The following GALNT13 variants were observed in gnomAD, a reference collection of about 807,000 sequenced individuals.
GALNT13 encodes polypeptide N-acetylgalactosaminyltransferase 13.
Under a neutral mutation model 64.2 loss-of-function variants are expected in GALNT13, and 28 were observed. The observed-to-expected ratio is 0.44, with a 90% CI of 0.32 to 0.60. The LOEUF is 0.60. Ranked by LOEUF, GALNT13 falls within the 20% of genes least tolerant of loss-of-function variation. The pLI is 0.05. For missense variants in GALNT13, 577 were observed against 669.8 expected, an observed-to-expected ratio of 0.86 and a Z score of 1.53; for synonymous variants, 214 against 224.6, an observed-to-expected ratio of 0.95 and a Z score of 0.42.
chr2:153,434,495 T>C, the GALNT13 span, among the ~76,000 whole-genome samples: 1 of 152,200 alleles, frequency 6.6e-6, no homozygotes, highest in African/African-American at 2.4e-5. Context: ...GCACCTGTTG[T>C]TTCCTGACTT....
chr2:153,078,910 A>C, the GALNT13 span, among the ~76,000 whole-genome samples: 1 of 152,200 alleles, frequency 6.6e-6, no homozygotes, highest in Admixed American at 6.5e-5. Context: ...CTTAGAATAA[A>C]CTTACTTAGT....
chr2:153,848,550 G>A, the GALNT13 span, among the ~76,000 whole-genome samples: 1 of 152,044 alleles, frequency 6.6e-6, no homozygotes, highest in African/African-American at 2.4e-5. Flanking sequence ...ATCAAAAGTT[G>A]CTTCTTTGAA....
rs763530256 is a variant in GALNT13 at position 154,259,023 on chromosome 2, C to A, written c.860C>A (p.Thr287Asn). Residue 287 changes from threonine to asparagine, a missense_variant and splice_region_variant, in exon 8 of 13, where the codon ACC (threonine) becomes AAC (asparagine). By Grantham distance (65) the Thr-to-Asn change is moderately conservative (BLOSUM62 0). Coordinates refer to ENST00000392825, the MANE Select transcript of GALNT13 (RefSeq NM_052917.4). Reference sequence around the variant, plus strand: ...TCTTTTTGTTTTTTTTCAACTAGGACCCCTACTATGGCTGGTGGCCTATTT... The same window carrying A: ...TCTTTTTGTTTTTTTTCAACTAGGAACCCTACTATGGCTGGTGGCCTATTT... ...RKGDRTLPVR[T>N]PTMAGGLFSI... The A allele has an allele frequency of 1.3e-6, 2 of 1,537,718 alleles. No individual in the cohort carries two copies. The highest frequency in any genetic ancestry group is 1.8e-6 in the Non-Finnish European group (2 of 1,112,728).
the GALNT13 span, among the ~76,000 whole-genome samples, chr2:153,374,786 G>A: frequency 6.6e-6 from 1 of 152,082 alleles, no homozygotes; most frequent in African/African-American, 2.4e-5. Flanking sequence ...TATTTTTGCA[G>A]GATCAGGTTC....
the GALNT13 span, among the ~76,000 whole-genome samples, chr2:153,153,736 C>T: frequency 3.6e-3 from 516 of 144,066 alleles, 2 homozygotes; most frequent in African/African-American, 0.013. Flanking sequence ...TCTGGTTTCT[C>T]CATTCTGTTC....
chr2:153,549,020 T>C, the GALNT13 span, among the ~76,000 whole-genome samples: 2 of 152,170 alleles, frequency 1.3e-5, no homozygotes, highest in African/African-American at 2.4e-5. Flanking sequence ...AGAGGCTACA[T>C]AGTATACGAC....
the GALNT13 span, among the ~76,000 whole-genome samples, chr2:153,535,682 C>T: frequency 1.3e-5 from 2 of 152,164 alleles, no homozygotes; most frequent in African/African-American, 2.4e-5. Flanking sequence ...AAGTATTGTC[C>T]AGTCCTTTTT....
the GALNT13 span, among the ~76,000 whole-genome samples, chr2:153,406,382 T>G: frequency 1.3e-5 from 2 of 152,176 alleles, no homozygotes; most frequent in African/African-American, 2.4e-5. Context: ...TAAGAGAGAT[T>G]TTACAATTTG....
chr2:153,367,813 C>T, the GALNT13 span, among the ~76,000 whole-genome samples: 17 of 150,998 alleles, frequency 1.1e-4, no homozygotes, highest in African/African-American at 4.1e-4. Context: ...TTTTTGAATA[C>T]CTAAATAAAA....
the GALNT13 span, among the ~76,000 whole-genome samples, chr2:153,643,966 G>C: frequency 6.6e-6 from 1 of 151,878 alleles, no homozygotes; most frequent in African/African-American, 2.4e-5. Flanking sequence ...CATCTTAGCT[G>C]TTCTCTTTAA....
chr2:154,115,505 C>A (rs1184517132), intron 3 of GALNT13, among the ~76,000 whole-genome samples: 1 of 152,090 alleles, frequency 6.6e-6, no homozygotes, highest in African/African-American at 2.4e-5. Context: ...ACTGCAACTT[C>A]TGCCTCCCAG....
At chr2:153,855,449 A>G in the GALNT13 span, among the ~76,000 whole-genome samples, 1 of 152,210 alleles carries the variant, frequency 6.6e-6, no homozygotes, top group South Asian at 2.1e-4. Flanking sequence ...CATTTCTCCA[A>G]AGAAGATTGC....
At chr2:154,403,229 G>T (rs1422270057) in intron 10 of GALNT13, among the ~76,000 whole-genome samples, 1 of 152,108 alleles carries the variant, frequency 6.6e-6, no homozygotes, top group African/African-American at 2.4e-5. Flanking sequence ...GAGGCAGGCG[G>T]ATCACTTGAG....
intron 1 of GALNT13, among the ~76,000 whole-genome samples, chr2:153,881,225 G>A (rs1049380917): frequency 6.6e-6 from 1 of 152,108 alleles, no homozygotes; most frequent in Non-Finnish European, 1.5e-5. Context: ...TTGCCACACG[G>A]TTCTCACATT....
At chr2:154,021,209 T>G (rs1467679684) in intron 3 of GALNT13, among the ~76,000 whole-genome samples, 2 of 152,180 alleles carry the variant, frequency 1.3e-5, no homozygotes, top group African/African-American at 4.8e-5. Context: ...CATATGAACT[T>G]TAAATTAGTT....
chr2:153,996,342 A>AT (rs2105205648), intron 3 of GALNT13, among the ~76,000 whole-genome samples: 1 of 152,124 alleles, frequency 6.6e-6, no homozygotes, highest in African/African-American at 2.4e-5. Flanking sequence ...AACATTTGTT[A>AT]TCTTTTGTAT....
the GALNT13 span, among the ~76,000 whole-genome samples, chr2:153,287,189 C>T: frequency 1.3e-5 from 2 of 152,176 alleles, no homozygotes; most frequent in African/African-American, 4.8e-5. Flanking sequence ...GGGTGTGGCT[C>T]ATTTCTTTGG....
the GALNT13 span, among the ~76,000 whole-genome samples, chr2:153,750,347 G>A: frequency 6.6e-6 from 1 of 151,754 alleles, no homozygotes; most frequent in Non-Finnish European, 1.5e-5. Flanking sequence ...CATAGAATGA[G>A]TTTGAAAATG....
At chr2:154,419,513 T>A in intron 11 of GALNT13, among the ~76,000 whole-genome samples, 1 of 152,116 alleles carries the variant, frequency 6.6e-6, no homozygotes, top group Admixed American at 6.6e-5. Flanking sequence ...GTTAGAAAAA[T>A]TGTCAATTCA....
Sources: allele counts gnomAD v4.1 joint callset (sites outside exome capture counted in the v4.1 genomes callset), GRCh38; gene constraint gnomAD v4.1.1; transcripts MANE v1.5; gene names NCBI Gene and HGNC (gene_info 2026-07-23, HGNC 2026-07-21).